EHBP1: variants seen among roughly 807,000 people sequenced by gnomAD.
The protein encoded by EHBP1 is EH domain binding protein 1.
Under a neutral mutation model 144.0 loss-of-function variants are expected in EHBP1, and 55 were observed. The ratio of observed to expected loss-of-function variants is 0.38; its 90% CI spans 0.31 to 0.48. The LOEUF (loss-of-function observed/expected upper bound fraction) is 0.48. Among genes scored for constraint, EHBP1 ranks in the 20% least tolerant of loss-of-function variants. The pLI is 0.98. For synonymous variants in EHBP1, 469 were observed against 472.7 expected (o/e 0.99, Z 0.10); for missense variants, 1,200 against 1,364.2 (o/e 0.88, Z 1.90).
chr2:62,981,501 T>C (rs1329381303), intron 15 of EHBP1, among the ~76,000 whole-genome samples: 3 of 152,160 alleles, frequency 2.0e-5, no homozygotes, highest in Non-Finnish European at 4.4e-5. Flanking sequence ...ATAACAATGC[T>C]AAATGACTTG....
chr2:62,749,762 T>C lies in EHBP1; in HGVS notation c.162+2310T>C, dbSNP rs564199425. On this transcript the variant is annotated intron_variant, in intron 3 of 22. Transcript: ENST00000431489. ...TGATGAGCATTTTTTCATGTGTCTT[T>C]TGGCTGCATAAATGTCTTCTTTTGA... 5.1e-4 allele frequency among the ~76,000 whole-genome samples: 77 copies of C among 152,356 alleles called. 1 individual carries two copies. The highest frequency in any genetic ancestry group is 2.3e-3 in the South Asian group (11 of 4,832).
chr2:62,976,247 C>T (rs974136496), intron 14 of EHBP1, among the ~76,000 whole-genome samples: 2 of 152,064 alleles, frequency 1.3e-5, no homozygotes, highest in Non-Finnish European at 2.9e-5. Flanking sequence ...GCTTCAAGCT[C>T]GTCCCTGGCT....
At chr2:63,014,390 G>T (rs997410675) in intron 19 of EHBP1, among the ~76,000 whole-genome samples, 1 of 152,082 alleles carries the variant, frequency 6.6e-6, no homozygotes, top group Non-Finnish European at 1.5e-5. Flanking sequence ...GATCTATATA[G>T]ACTATTAGAG....
chr2:62,751,336 A>C (rs1421637754), intron 3 of EHBP1, among the ~76,000 whole-genome samples: 2 of 152,200 alleles, frequency 1.3e-5, no homozygotes, highest in Non-Finnish European at 2.9e-5. Flanking sequence ...GATGAAGCCC[A>C]CTTGATCATG....
At chr2:62,731,503 T>C (rs916915798) in intron 2 of EHBP1, among the ~76,000 whole-genome samples, 1 of 152,174 alleles carries the variant, frequency 6.6e-6, no homozygotes, top group Non-Finnish European at 1.5e-5. Context: ...AGGCATCTAG[T>C]TTTTCACTGT....
chr2:62,838,524 G>A (rs914430142), intron 7 of EHBP1, among the ~76,000 whole-genome samples: 57 of 152,096 alleles, frequency 3.7e-4, no homozygotes, highest in African/African-American at 1.3e-3. Flanking sequence ...GACACAAAAA[G>A]CCCTTCAAAA....
At chr2:62,813,449 C>T (rs553346397) in intron 5 of EHBP1, among the ~76,000 whole-genome samples, 5 of 152,236 alleles carry the variant, frequency 3.3e-5, no homozygotes, top group Non-Finnish European at 7.4e-5. Flanking sequence ...TCTGGTGGAG[C>T]CATGGGAGCA....
intron 10 of EHBP1, among the ~76,000 whole-genome samples, chr2:62,907,226 G>C (rs1036111374): frequency 1.3e-5 from 2 of 152,234 alleles, no homozygotes; most frequent in African/African-American, 4.8e-5. Context: ...TTTTCTTAGA[G>C]TGGATGTGAC....
At chr2:62,729,461 A>G (rs2037228118) in intron 2 of EHBP1, among the ~76,000 whole-genome samples, 2 of 105,408 alleles carry the variant, frequency 1.9e-5, no homozygotes, top group Non-Finnish European at 3.7e-5. Flanking sequence ...AATATATAAT[A>G]TATAAATATA....
chr2:62,758,817 C>T (rs1401897275), intron 3 of EHBP1, among the ~76,000 whole-genome samples: 4 of 152,152 alleles, frequency 2.6e-5, no homozygotes, highest in Non-Finnish European at 4.4e-5. Flanking sequence ...GAGAGTACAG[C>T]TAGCTGCAGA....
intron 2 of EHBP1, among the ~76,000 whole-genome samples, chr2:62,725,381 C>T (rs1400079583): frequency 6.6e-6 from 1 of 152,212 alleles, no homozygotes; most frequent in Admixed American, 6.5e-5. Flanking sequence ...AGCCAGTGTT[C>T]ACCTCAGTGG....
At chr2:62,722,893 T>A (rs1394689704) in intron 2 of EHBP1, among the ~76,000 whole-genome samples, 1 of 152,236 alleles carries the variant, frequency 6.6e-6, no homozygotes, top group Non-Finnish European at 1.5e-5. Flanking sequence ...ATTTCAGTTC[T>A]TTTGCTCCTT....
intron 3 of EHBP1, among the ~76,000 whole-genome samples, chr2:62,763,361 G>A (rs2152316050): frequency 6.6e-6 from 1 of 152,186 alleles, no homozygotes; most frequent in Admixed American, 6.5e-5. Flanking sequence ...CTAGAACAGT[G>A]CTTGGCAGAT....
chr2:62,696,142 T>TTCTC (rs560824913), intron 1 of EHBP1, among the ~76,000 whole-genome samples: 36 of 132,434 alleles, frequency 2.7e-4, no homozygotes, highest in East Asian at 1.6e-3. Flanking sequence ...CTCCCTTCCT[T>TTCTC]TCTCTCTCTC....
At chr2:62,849,331 G>A (rs1277670161) in intron 7 of EHBP1, among the ~76,000 whole-genome samples, 1 of 152,098 alleles carries the variant, frequency 6.6e-6, no homozygotes, top group Middle Eastern at 3.2e-3. Flanking sequence ...TGGGCCATCT[G>A]CGAGTTGTTC....
At chr2:62,705,088 T>A (rs2034417877), upstream of EHBP1, among the ~76,000 whole-genome samples, 1 of 152,156 alleles carries the variant, frequency 6.6e-6, no homozygotes, top group Admixed American at 6.5e-5. Context: ...GACTCTATGT[T>A]GGGCGGGGAG....
chr2:62,968,430 C>T (rs1480881473), intron 14 of EHBP1, among the ~76,000 whole-genome samples: 1 of 152,076 alleles, frequency 6.6e-6, no homozygotes, highest in Non-Finnish European at 1.5e-5. Context: ...ACATATATAT[C>T]TGTATATACA....
At chr2:62,976,840 TC>T (rs1008652820) in intron 14 of EHBP1, among the ~76,000 whole-genome samples, 1 of 151,964 alleles carries the variant, frequency 6.6e-6, no homozygotes, top group African/African-American at 2.4e-5. Context: ...TTTCTCTCCC[TC>T]CCTTCTTATA....
chr2:62,856,124 T>C (rs1377308840), intron 7 of EHBP1, among the ~76,000 whole-genome samples: 1 of 152,212 alleles, frequency 6.6e-6, no homozygotes, highest in Non-Finnish European at 1.5e-5. Context: ...GTGTACCTCA[T>C]TCTTCCTGGT....
Sources: allele counts gnomAD v4.1 joint callset (sites outside exome capture counted in the v4.1 genomes callset), GRCh38; gene constraint gnomAD v4.1.1; transcripts MANE v1.5; gene names NCBI Gene and HGNC (gene_info 2026-07-23, HGNC 2026-07-21).